EDIL3: variants seen among roughly 807,000 people sequenced by gnomAD.
EDIL3 encodes the protein EGF-like repeat and discoidin I-like domain-containing protein 3.
EDIL3 carries 37 observed loss-of-function variants against 67.4 expected under a neutral mutation model. The observed-to-expected ratio is 0.55, with a 90% confidence interval of 0.42 to 0.72. EDIL3 has a LOEUF of 0.72. Among genes scored for constraint, EDIL3 ranks in the 30% least tolerant of loss-of-function variants. The pLI, the probability that EDIL3 is intolerant of heterozygous loss-of-function variation, is 0.00. For synonymous variants in EDIL3, 195 were observed against 196.3 expected, an observed-to-expected ratio of 0.99 and a Z score of 0.05; for missense variants, 527 against 586.3, an observed-to-expected ratio of 0.90 and a Z score of 1.04.
intron 9 of EDIL3, among the ~76,000 whole-genome samples, chr5:84,020,082 A>AAAAAC (rs1256009395): frequency 6.6e-6 from 1 of 151,566 alleles, no homozygotes; most frequent in Non-Finnish European, 1.5e-5. Flanking sequence ...TGTACAAAAA[A>AAAAAC]AAAAAAAAAC....
intron 2 of EDIL3, among the ~76,000 whole-genome samples, chr5:84,242,244 A>T (rs1311242344): frequency 6.6e-6 from 1 of 151,994 alleles, no homozygotes; most frequent in Non-Finnish European, 1.5e-5. Flanking sequence ...AAAAAAAAAA[A>T]ATTTACACAA....
At chr5:84,134,063 A>C (rs571137206) in intron 5 of EDIL3, among the ~76,000 whole-genome samples, 156 of 152,220 alleles carry the variant, frequency 1.0e-3, no homozygotes, top group Middle Eastern at 7.1e-3. Context: ...TTTGCATAAT[A>C]ATTTTTACCA....
intron 1 of EDIL3, among the ~76,000 whole-genome samples, chr5:84,333,145 C>T (rs1298215103): frequency 2.6e-5 from 4 of 152,090 alleles, no homozygotes; most frequent in Non-Finnish European, 5.9e-5. Context: ...AGTCGGACTA[C>T]TAAATACTGT....
At chr5:84,086,357 C>T (rs763800894) in intron 6 of EDIL3, among the ~76,000 whole-genome samples, 2 of 152,178 alleles carry the variant, frequency 1.3e-5, no homozygotes, top group Non-Finnish European at 2.9e-5. Flanking sequence ...GCGTAGTACC[C>T]AGGATGGGTA....
At chr5:84,377,743 T>C (rs79048191) in intron 1 of EDIL3, among the ~76,000 whole-genome samples, 4,050 of 152,324 alleles carry the variant, frequency 0.027, 71 homozygotes, top group Non-Finnish European at 0.038. Context: ...TATTATATCA[T>C]ATTAAATTAT....
intron 10 of EDIL3, among the ~76,000 whole-genome samples, chr5:83,948,237 A>G (rs574076181): frequency 2.6e-5 from 4 of 151,828 alleles, no homozygotes; most frequent in South Asian, 2.1e-4. Flanking sequence ...TATATATTAT[A>G]TAAGTATATA....
chr5:84,355,619 C>T (rs960494685), intron 1 of EDIL3, among the ~76,000 whole-genome samples: 3 of 152,226 alleles, frequency 2.0e-5, no homozygotes, highest in African/African-American at 7.2e-5. Flanking sequence ...GCGGAGGCTG[C>T]AGAACAGCAA....
chr5:84,096,346 G>C (rs144801585), intron 6 of EDIL3, among the ~76,000 whole-genome samples: 1 of 152,276 alleles, frequency 6.6e-6, no homozygotes, highest in African/African-American at 2.4e-5. Flanking sequence ...AGCCACAGAG[G>C]AGAAGATGCC....
intron 9 of EDIL3, among the ~76,000 whole-genome samples, chr5:84,052,919 G>T (rs980267515): frequency 6.6e-6 from 1 of 152,066 alleles, no homozygotes; most frequent in South Asian, 2.1e-4. Flanking sequence ...AGTTAAGAAG[G>T]ATATCCAGGA....
At chr5:84,130,194 CT>C (rs1007121256) in intron 5 of EDIL3, among the ~76,000 whole-genome samples, 1 of 152,152 alleles carries the variant, frequency 6.6e-6, no homozygotes, top group African/African-American at 2.4e-5. Context: ...TAGGCTCCCT[CT>C]TTTTTGCCCT....
At chr5:84,108,784 A>G (rs1747507634) in intron 5 of EDIL3, among the ~76,000 whole-genome samples, 1 of 152,180 alleles carries the variant, frequency 6.6e-6, no homozygotes, top group African/African-American at 2.4e-5. Flanking sequence ...GGATGGAAAA[A>G]TGAAACAGGC....
chr5:84,072,832 G>T (rs1746765082), intron 6 of EDIL3, among the ~76,000 whole-genome samples: 1 of 152,164 alleles, frequency 6.6e-6, no homozygotes. Flanking sequence ...AACAGAGGGG[G>T]TGAGAAAAGA....
chr5:84,066,360 A>G (rs1247396648), intron 7 of EDIL3, 91 bp downstream of exon 7: 2 of 1,359,172 alleles, frequency 1.5e-6, no homozygotes, highest in African/African-American at 1.5e-5. Context: ...TTTCATCAAC[A>G]TAAGTCTTCT....
At position 84,015,537 on chromosome 5, in the gene EDIL3, T is replaced by C. The variant is rs73769703; in HGVS notation, c.1137+44763A>G. ...ACAGAAATTAAAAGAAAGATAGTTT[T>C]GTACAAAAGTGCATATTTCCTCAAC... is the stretch of plus-strand genomic sequence containing the variant. On this transcript the variant is annotated intron_variant, in intron 9 of 10. Coordinates refer to ENST00000296591, the MANE Select transcript of EDIL3 (RefSeq NM_005711.5). 6.7e-3 allele frequency among the ~76,000 whole-genome samples: 1,024 copies of C among 152,296 alleles called. 15 individuals carry two copies. Among genetic ancestry groups the C allele is most frequent in the African/African-American group, 0.024 (988 of 41,560 alleles).
intron 1 of EDIL3, among the ~76,000 whole-genome samples, chr5:84,364,589 C>G (rs1252852550): frequency 6.6e-6 from 1 of 152,016 alleles, no homozygotes; most frequent in Non-Finnish European, 1.5e-5. Context: ...AATCAGCTAA[C>G]CTTAAAATGA....
chr5:83,984,818 C>T (rs1318609861), intron 9 of EDIL3, among the ~76,000 whole-genome samples: 1 of 152,002 alleles, frequency 6.6e-6, no homozygotes, highest in Admixed American at 6.6e-5. Context: ...CATTCACACT[C>T]AGCTCTGCCT....
At chr5:84,100,840 A>G (rs1427645882) in intron 6 of EDIL3, among the ~76,000 whole-genome samples, 2 of 152,014 alleles carry the variant, frequency 1.3e-5, no homozygotes, top group Non-Finnish European at 2.9e-5. Context: ...AGCTCAATTT[A>G]CTCTGATAGT....
At chr5:84,319,484 CAAAAAACAACAA>C in intron 1 of EDIL3, among the ~76,000 whole-genome samples, 1 of 20,808 alleles carries the variant, frequency 4.8e-5, no homozygotes, top group Non-Finnish European at 1.1e-4. Context: ...AAACAAAAAA[CAAAAAACAACAA>C]AAAAAAAAAA....
intron 1 of EDIL3, among the ~76,000 whole-genome samples, chr5:84,378,600 G>A (rs1484417439): frequency 6.6e-6 from 1 of 152,190 alleles, no homozygotes; most frequent in Non-Finnish European, 1.5e-5. Context: ...TATGATACAT[G>A]ATCTAAGACC....
Sources: gnomAD v4.1 joint callset for allele counts (sites outside exome capture counted in the v4.1 genomes callset) on GRCh38, gnomAD v4.1.1 for gene constraint, MANE v1.5 for transcripts, NCBI Gene and HGNC (gene_info 2026-07-23, HGNC 2026-07-21) for gene names.